Variants in SIPA1L2 observed in about 807,000 individuals in gnomAD.
SIPA1L2 encodes signal induced proliferation associated 1 like 2.
Under a neutral mutation model 163.9 loss-of-function variants are expected in SIPA1L2, and 56 were observed. The observed-to-expected ratio is 0.34, with a 90% confidence interval of 0.28 to 0.43. SIPA1L2 has a LOEUF of 0.43. SIPA1L2 is among the 20% of genes least tolerant of loss of function. The probability of loss-of-function intolerance (pLI) is 1.00; values close to 1 mark genes in which losing one functional copy is unlikely to be tolerated. For synonymous variants in SIPA1L2, 877 were observed against 865.7 expected, an observed-to-expected ratio of 1.01 and a Z score of -0.23; for missense variants, 1,974 against 2,193.5, an observed-to-expected ratio of 0.90 and a Z score of 2.00.
At chr1:232,402,547 G>GAAAAAAAAAA in intron 21 of SIPA1L2, 74 bp from the exon 22 acceptor site, 1 of 1,308,380 alleles carries the variant, frequency 7.6e-7, no homozygotes, top group Admixed American at 2.1e-5. Context: ...GTTTTCACTC[G>GAAAAAAAAAA]AAAAAATTAT....
chr1:232,470,594 T>A (rs951151217), intron 8 of SIPA1L2, among the ~76,000 whole-genome samples: 3 of 152,180 alleles, frequency 2.0e-5, no homozygotes, highest in African/African-American at 7.2e-5. Context: ...TTTAAGATGA[T>A]AAATGAAAAT....
chr1:232,530,774 G>A (rs963467466), intron 2 of SIPA1L2, among the ~76,000 whole-genome samples: 2 of 151,154 alleles, frequency 1.3e-5, no homozygotes, highest in African/African-American at 2.4e-5. Context: ...AAATAGGATT[G>A]GAAGCTATTG....
At chr1:232,456,032 G>A (rs1663893219) in intron 10 of SIPA1L2, among the ~76,000 whole-genome samples, 1 of 151,904 alleles carries the variant, frequency 6.6e-6, no homozygotes, top group African/African-American at 2.4e-5. Flanking sequence ...AAAATTATCT[G>A]TACACCAAAC....
At chr1:232,608,099 T>G (rs7545379) in intron 1 of SIPA1L2, among the ~76,000 whole-genome samples, 6,122 of 141,740 alleles carry the variant, frequency 0.043, 322 homozygotes, top group African/African-American at 0.12. Context: ...CAGGTTGGAG[T>G]GCAGTGGCGC....
rs575052522 is a variant in SIPA1L2 at position 232,620,327 on chromosome 1, T to C, written c.-319+9542A>G. Among the ~76,000 whole-genome samples, 276 of 152,316 alleles carry C rather than the reference T, an allele frequency of 1.8e-3. 1 individual carries two copies. Among genetic ancestry groups the C allele is most frequent in the African/African-American group, 6.4e-3 (267 of 41,560 alleles). ...TTGCCAGAACCCTGTTCCATGAAGG[T>C]AGGTGTCTCGATGTACACTTCTCTC... On this transcript the variant is annotated intron_variant, in intron 1 of 22. Transcript: ENST00000674635.
intron 10 of SIPA1L2, among the ~76,000 whole-genome samples, chr1:232,455,708 CTG>C (rs1663867542): frequency 1.2e-5 from 1 of 84,746 alleles, no homozygotes; most frequent in African/African-American, 4.9e-5. Context: ...GAGCGAGACT[CTG>C]TCTCAAAAAA....
rs776983915 is a variant in SIPA1L2 at position 232,425,632 on chromosome 1, C to G, written c.4587G>C (p.Leu1529=). The change falls in exon 18 of 23, where the codon CTG becomes CTC. Residue 1529 remains leucine, a synonymous_variant. Coordinates refer to ENST00000674635, the MANE Select transcript of SIPA1L2 (RefSeq NM_020808.5). ...FSTTPPYHST[L]PPRAHPAPSM... ...TGGGTGCGGGGTGGGCCCGCGGAGG[C>G]AGCGTGCTGTGGTAGGGTGGGGTGG... is the stretch of plus-strand genomic sequence containing the variant. 8 of 1,610,930 alleles carry G rather than the reference C, an allele frequency of 5.0e-6. No individual in the cohort carries two copies. The South Asian group carries it at 8.8e-5, about 18-fold the overall frequency.
rs749698116 is a variant in SIPA1L2 at position 232,515,390 on chromosome 1, T to G, written c.-51A>C. 1 of 1,498,720 alleles carries G rather than the reference T, an allele frequency of 6.7e-7. No individual in the cohort carries two copies. The highest frequency in any genetic ancestry group is 8.9e-7 in the Non-Finnish European group (1 of 1,119,740). The allele number at this position is 1,498,720 out of a possible 1,614,324, so 92.8% of individuals were successfully genotyped here. On this transcript the variant is annotated 5_prime_UTR_variant, in exon 3 of 23. Coordinates refer to ENST00000674635, the MANE Select transcript of SIPA1L2 (RefSeq NM_020808.5). ...CTCACCAGGAAGACTGATGTAAATC[T>G]AATTACATTGCTACCGACCACGCCA...
chr1:232,552,031 G>A (rs764208326), intron 2 of SIPA1L2, among the ~76,000 whole-genome samples: 1 of 151,992 alleles, frequency 6.6e-6, no homozygotes, highest in African/African-American at 2.4e-5. Context: ...GTAGAGACAG[G>A]GTTTCACCAT....
At chr1:232,512,557 A>G (rs1245984830) in intron 3 of SIPA1L2, among the ~76,000 whole-genome samples, 1 of 152,194 alleles carries the variant, frequency 6.6e-6, no homozygotes, top group Non-Finnish European at 1.5e-5. Flanking sequence ...GAATGAGCTC[A>G]TGTCCTTTGC....
At chr1:232,509,722 G>T (rs1666892996) in intron 3 of SIPA1L2, among the ~76,000 whole-genome samples, 1 of 152,170 alleles carries the variant, frequency 6.6e-6, no homozygotes, top group African/African-American at 2.4e-5. Flanking sequence ...CCTCTGCCTG[G>T]AGTCCTTAAT....
chr1:232,494,612 G>T (rs1666086504), intron 3 of SIPA1L2, among the ~76,000 whole-genome samples: 1 of 152,208 alleles, frequency 6.6e-6, no homozygotes, highest in Non-Finnish European at 1.5e-5. Context: ...TTGTCTGTGA[G>T]CTCTGTTAAA....
At chr1:232,501,359 A>G (rs1183262545) in intron 3 of SIPA1L2, among the ~76,000 whole-genome samples, 3 of 152,104 alleles carry the variant, frequency 2.0e-5, no homozygotes, top group Non-Finnish European at 4.4e-5. Flanking sequence ...CTTTATTACA[A>G]TATTCATCAT....
chr1:232,407,340 T>A lies in SIPA1L2; in HGVS notation c.4763-3162A>T, dbSNP rs541004965. 8.2e-4 allele frequency among the ~76,000 whole-genome samples: 125 copies of A among 152,334 alleles called. 1 individual carries two copies. Among genetic ancestry groups the A allele is most frequent in the African/African-American group, 1.8e-3 (75 of 41,588 alleles). ...GTAAGTCACATTTTGTTTATACTTA[T>A]ATACACACACTCTCTCATACACACA... is the stretch of plus-strand genomic sequence containing the variant. On this transcript the variant is annotated intron_variant, in intron 19 of 22. Transcript: ENST00000674635.
intron 16 of SIPA1L2, among the ~76,000 whole-genome samples, chr1:232,429,113 T>A (rs1194476324): frequency 6.6e-6 from 1 of 152,148 alleles, no homozygotes; most frequent in Non-Finnish European, 1.5e-5. Flanking sequence ...TATCAGTATA[T>A]AAAAATGTAT....
At chr1:232,471,575 CA>C (rs770373184) in intron 7 of SIPA1L2, 47 bp from the exon 8 acceptor site, 1 of 1,477,748 alleles carries the variant, frequency 6.8e-7, no homozygotes. Flanking sequence ...TTCTTTAAAA[CA>C]AAATATATAT....
intron 16 of SIPA1L2, among the ~76,000 whole-genome samples, chr1:232,429,766 T>C (rs965964589): frequency 4.0e-4 from 61 of 152,084 alleles, no homozygotes; most frequent in Non-Finnish European, 2.1e-4. Flanking sequence ...CAAAACAATA[T>C]AGTTTTTACG....
chr1:232,471,656 C>T, intron 7 of SIPA1L2, 128 bp from the exon 8 acceptor site: 2 of 887,138 alleles, frequency 2.3e-6, no homozygotes, highest in Non-Finnish European at 1.6e-6. Flanking sequence ...GAAGTCAGTG[C>T]TCCTAAATTT....
At chr1:232,468,914 A>G (rs1402504241) in intron 8 of SIPA1L2, among the ~76,000 whole-genome samples, 1 of 152,212 alleles carries the variant, frequency 6.6e-6, no homozygotes, top group Non-Finnish European at 1.5e-5. Flanking sequence ...AAATATTTTC[A>G]GGCTGAAAGT....
Sources: gnomAD v4.1 joint callset for allele counts (sites outside exome capture counted in the v4.1 genomes callset) on GRCh38, gnomAD v4.1.1 for gene constraint, MANE v1.5 for transcripts, NCBI Gene and HGNC (gene_info 2026-07-23, HGNC 2026-07-21) for gene names.